SPIN1: variants seen among roughly 807,000 people sequenced by gnomAD.
The protein encoded by SPIN1 is spindlin 1.
Under a neutral mutation model 26.0 loss-of-function variants are expected in SPIN1, and 3 were observed. That is an observed-to-expected ratio of 0.12 (90% CI 0.05 to 0.30). The LOEUF (loss-of-function observed/expected upper bound fraction) is 0.30. Among genes scored for constraint, SPIN1 ranks in the 10% least tolerant of loss-of-function variants. The probability of loss-of-function intolerance (pLI) is 1.00; values close to 1 mark genes in which losing one functional copy is unlikely to be tolerated. For missense variants in SPIN1, 126 were observed against 333.4 expected (o/e 0.38, Z 4.84); for synonymous variants, 101 against 116.5 (o/e 0.87, Z 0.86).
At chr9:88,462,354 C>G in intron 3 of SPIN1, 142 bp from the exon 4 acceptor site, 1 of 1,183,560 alleles carries the variant, frequency 8.4e-7, no homozygotes, top group Non-Finnish European at 1.2e-6. Context: ...TTTGAGTCAC[C>G]TGAAGCAGGA....
chr9:88,467,733 A>G (rs59172610), intron 4 of SPIN1, among the ~76,000 whole-genome samples: 35,617 of 152,002 alleles, frequency 0.23, 6,661 homozygotes, highest in African/African-American at 0.52. Context: ...CAGTGACACA[A>G]CGATTACTTT....
intron 5 of SPIN1, among the ~76,000 whole-genome samples, chr9:88,471,343 G>A (rs1369903695): frequency 6.6e-6 from 1 of 151,566 alleles, no homozygotes; most frequent in African/African-American, 2.4e-5. Flanking sequence ...ACCATATTTT[G>A]AAAAGACTAT....
chr9:88,408,897 C>T (rs1238040469), intron 1 of SPIN1, among the ~76,000 whole-genome samples: 4 of 150,970 alleles, frequency 2.6e-5, no homozygotes, highest in Admixed American at 2.0e-4. Flanking sequence ...ATCTCGACCT[C>T]GTGATCCGCC....
rs1453319279 is a variant in SPIN1, at chr9:88,477,892, T to C, written c.*2615T>C. 1.3e-5 allele frequency: 2 copies of C among 152,204 alleles called. No individual in the cohort carries two copies. The highest frequency in any genetic ancestry group is 2.9e-5 in the Non-Finnish European group (2 of 68,034). The allele number at this position is 152,204 out of a possible 1,614,324, so 9.4% of individuals were successfully genotyped here. A position where few individuals can be genotyped will look rare whatever the true frequency, so the allele number is the denominator to read the frequency against. ...TGCCACGTAAAACTTCAGAGAAAAA[T>C]CTTAAAAGCAGACCATCCTTTTTTG... On this transcript the variant is annotated 3_prime_UTR_variant, in exon 6 of 6. Transcript: ENST00000375859.
At chr9:88,430,695 T>TA (rs970617078) in intron 2 of SPIN1, among the ~76,000 whole-genome samples, 3 of 152,190 alleles carry the variant, frequency 2.0e-5, no homozygotes, top group Admixed American at 6.5e-5. Flanking sequence ...GAAAATAACT[T>TA]ACGTTTATCT....
In SPIN1 at chr9:88,475,356, GT is replaced by G; in HGVS notation, c.*82del. Reference sequence around the variant, plus strand: ...GACATAAAGACTTGATTGCTTTCCAGTTTAATGAAAGCTTAAATGTCCCTGC... The same window carrying G: ...GACATAAAGACTTGATTGCTTTCCAGTTAATGAAAGCTTAAATGTCCCTGC... On this transcript the variant is annotated 3_prime_UTR_variant, in exon 6 of 6. Coordinates refer to ENST00000375859, the MANE Select transcript of SPIN1 (RefSeq NM_006717.3). 17 of 1,447,506 alleles carry G rather than the reference GT, an allele frequency of 1.2e-5. No homozygotes were observed. The highest frequency in any genetic ancestry group is 1.6e-5 in the Non-Finnish European group (17 of 1,053,430). 89.7% of individuals were successfully genotyped at this position (1,447,506 alleles called of 1,614,324 possible).
chr9:88,426,111 C>T (rs1027917609), intron 1 of SPIN1, among the ~76,000 whole-genome samples: 9 of 152,172 alleles, frequency 5.9e-5, no homozygotes, highest in Non-Finnish European at 1.0e-4. Context: ...CAGACAGCAG[C>T]TGTATTGTGT....
chr9:88,392,142 A>G (rs1390585118), intron 1 of SPIN1, among the ~76,000 whole-genome samples: 2 of 152,114 alleles, frequency 1.3e-5, no homozygotes, highest in South Asian at 2.1e-4. Context: ...GTAGATGTTG[A>G]TTTCCTTCTC....
intron 1 of SPIN1, among the ~76,000 whole-genome samples, chr9:88,414,110 G>A (rs373013903): frequency 6.6e-6 from 1 of 152,078 alleles, no homozygotes; most frequent in East Asian, 1.9e-4. Context: ...CAGATATGAA[G>A]TGTTCATGCC....
intron 2 of SPIN1, among the ~76,000 whole-genome samples, chr9:88,448,428 T>C (rs1256220283): frequency 2.0e-5 from 3 of 152,168 alleles, no homozygotes; most frequent in Admixed American, 6.5e-5. Flanking sequence ...CACAGCTCAC[T>C]GCAACCTCGA....
intron 1 of SPIN1, among the ~76,000 whole-genome samples, chr9:88,400,967 C>T (rs904190568): frequency 6.6e-6 from 1 of 152,044 alleles, no homozygotes; most frequent in Non-Finnish European, 1.5e-5. Flanking sequence ...GAGCCATGAT[C>T]GTGCAACTGC....
chr9:88,405,046 A>T (rs1235156042), intron 1 of SPIN1, among the ~76,000 whole-genome samples: 1 of 152,044 alleles, frequency 6.6e-6, no homozygotes, highest in Admixed American at 6.6e-5. Flanking sequence ...GTCATCTATG[A>T]TAACAGTACT....
At chr9:88,418,256 A>G (rs771139101) in intron 1 of SPIN1, among the ~76,000 whole-genome samples, 3 of 152,240 alleles carry the variant, frequency 2.0e-5, no homozygotes, top group Non-Finnish European at 4.4e-5. Context: ...TCCAGAAGCC[A>G]TCAGACATCA....
chr9:88,412,489 C>T (rs1827470817), intron 1 of SPIN1, among the ~76,000 whole-genome samples: 1 of 152,140 alleles, frequency 6.6e-6, no homozygotes, highest in Non-Finnish European at 1.5e-5. Context: ...AGAGAGACTG[C>T]TTGTTGTCCA....
intron 3 of SPIN1, 33 bp from the exon 4 acceptor site, chr9:88,462,463 T>A: frequency 6.2e-7 from 1 of 1,601,578 alleles, no homozygotes; most frequent in Non-Finnish European, 8.5e-7. Context: ...ACTTTTGAGA[T>A]AATACCTTAT....
chr9:88,450,925 T>A (rs535463709), intron 3 of SPIN1, among the ~76,000 whole-genome samples: 1 of 152,268 alleles, frequency 6.6e-6, no homozygotes, highest in Admixed American at 6.5e-5. Context: ...ACGCAGGCTC[T>A]CCCAGGTGCT....
chr9:88,440,318 A>T (rs1216618240), intron 2 of SPIN1, among the ~76,000 whole-genome samples: 11 of 142,612 alleles, frequency 7.7e-5, no homozygotes, highest in African/African-American at 2.3e-4. Flanking sequence ...TTTGTTTTTA[A>T]TTTTTTTTTT....
intron 2 of SPIN1, among the ~76,000 whole-genome samples, chr9:88,429,616 A>C (rs982383126): frequency 1.1e-4 from 16 of 152,212 alleles, no homozygotes; most frequent in African/African-American, 3.9e-4. Flanking sequence ...GCATTGGTGC[A>C]TCTACCCCCC....
At chr9:88,410,062 G>A (rs1012421849) in intron 1 of SPIN1, among the ~76,000 whole-genome samples, 11 of 151,872 alleles carry the variant, frequency 7.2e-5, no homozygotes, top group Non-Finnish European at 1.3e-4. Context: ...TTGCTCTCAG[G>A]GACCAAAGTG....
Sources: allele counts gnomAD v4.1 joint callset (sites outside exome capture counted in the v4.1 genomes callset), GRCh38; gene constraint gnomAD v4.1.1; transcripts MANE v1.5; gene names NCBI Gene and HGNC (gene_info 2026-07-23, HGNC 2026-07-21).